The following VWA5A variants were observed in gnomAD, a reference collection of about 807,000 sequenced individuals.
VWA5A encodes von Willebrand factor A domain-containing protein 5A.
A neutral mutation model predicts 84.6 loss-of-function variants in VWA5A; 77 were observed. The observed-to-expected ratio is 0.91, with a 90% CI of 0.76 to 1.10. The LOEUF is 1.10. VWA5A is among the 50% of genes least tolerant of loss of function. The pLI, the probability that VWA5A is intolerant of heterozygous loss-of-function variation, is 0.00. For missense variants in VWA5A, 973 were observed against 963.0 expected (o/e 1.01, Z -0.14); for synonymous variants, 334 against 350.1 (o/e 0.95, Z 0.51).
chr11:124,130,576 G>A (rs761734163), intron 11 of VWA5A, among the ~76,000 whole-genome samples: 28 of 152,146 alleles, frequency 1.8e-4, no homozygotes, highest in Non-Finnish European at 3.5e-4. Context: ...TTGAAAGTGG[G>A]GTGTTAAAGT....
chr11:124,128,126 T>C (rs1240800691), intron 11 of VWA5A, among the ~76,000 whole-genome samples: 2 of 152,230 alleles, frequency 1.3e-5, no homozygotes, highest in Non-Finnish European at 2.9e-5. Flanking sequence ...GGTTTTCTTC[T>C]AGGGTTTTTA....
chr11:124,138,405 A>G (rs1272029470), intron 15 of VWA5A, among the ~76,000 whole-genome samples: 1 of 152,122 alleles, frequency 6.6e-6, no homozygotes, highest in Non-Finnish European at 1.5e-5. Flanking sequence ...CATTCTCACC[A>G]TGGTGTGCAA....
In VWA5A at chr11:124,135,119, G is replaced by A; in HGVS notation, c.1359+85G>A. On this transcript the variant is annotated intron_variant, in intron 12 of 18. Coordinates refer to ENST00000456829, the MANE Select transcript of VWA5A (RefSeq NM_001130142.2). ...GGTGGGGAACACTGTGTAAGGGCAGGGGTAGCAACTTTCCTCCAGGATACC... is the reference window on the plus strand; with the variant it reads ...GGTGGGGAACACTGTGTAAGGGCAGAGGTAGCAACTTTCCTCCAGGATACC... The A allele has an allele frequency of 8.9e-6, 10 of 1,118,476 alleles. No individual in the cohort carries two copies. In the South Asian group the frequency reaches 1.5e-4, roughly 17 times the overall value. 69.3% of individuals were successfully genotyped at this position (1,118,476 alleles called of 1,614,324 possible). A position where few individuals can be genotyped will look rare whatever the true frequency, so the allele number is the denominator to read the frequency against.
At chr11:124,115,653 C>G (rs971924607) in intron 1 of VWA5A, 171 bp downstream of exon 1, 1 of 152,150 alleles carries the variant, frequency 6.6e-6, no homozygotes, top group Non-Finnish European at 1.5e-5. Flanking sequence ...CAGGAAGGTT[C>G]CTGCAAGTTT....
chr11:124,132,381 C>G (rs1018804542), intron 11 of VWA5A, among the ~76,000 whole-genome samples: 4 of 151,926 alleles, frequency 2.6e-5, no homozygotes, highest in Non-Finnish European at 5.9e-5. Context: ...TTTCCTTGCT[C>G]CAAAAGGTTT....
chr11:124,117,627 G>T, intron 3 of VWA5A, 46 bp from the exon 4 acceptor site: 1 of 1,614,076 alleles, frequency 6.2e-7, no homozygotes. Flanking sequence ...CTACAAGGAG[G>T]CAATCTATTG....
Position 124,123,646 on chromosome 11 carries a change from T to C in VWA5A, c.1020-14T>C, listed in dbSNP as rs755236300. On this transcript the variant is annotated splice_polypyrimidine_tract_variant and intron_variant, in intron 9 of 18. Coordinates refer to ENST00000456829, the MANE Select transcript of VWA5A (RefSeq NM_001130142.2). ...AGTAACCCTCATGTAACTGGGTGTG[T>C]TTGTTTTTCTCAGGGAGAGTGTGAA... 1.2e-6 allele frequency: 2 copies of C among 1,614,122 alleles called. No homozygotes were observed. The highest frequency in any genetic ancestry group is 1.7e-6 in the Non-Finnish European group (2 of 1,180,028).
At position 124,146,148 on chromosome 11, in the gene VWA5A, A is replaced by G. The variant is rs1484752012; in HGVS notation, c.*203A>G. 4 of 517,730 alleles carry G rather than the reference A, an allele frequency of 7.7e-6. No homozygotes were observed. The highest frequency in any genetic ancestry group is 1.4e-5 in the Non-Finnish European group (4 of 295,070). The allele number at this position is 517,730 out of a possible 1,614,324, so 32.1% of individuals were successfully genotyped here. On this transcript the variant is annotated 3_prime_UTR_variant, in exon 19 of 19. Coordinates refer to ENST00000456829, the MANE Select transcript of VWA5A (RefSeq NM_001130142.2). ...TTTTCCCAACATATGCCCTCAGAAA[A>G]GTGACAGTGGTCCCAGAACCTATTC...
chr11:124,119,116 T>A (rs1864891180), intron 7 of VWA5A, 27 bp downstream of exon 7: 3 of 1,587,742 alleles, frequency 1.9e-6, no homozygotes, highest in Non-Finnish European at 8.6e-7. Context: ...TTTGTAGTCA[T>A]CCCCTAAGGG....
At chr11:124,122,937 G>A (rs1373883305) in intron 7 of VWA5A, 23 bp from the exon 8 acceptor site, 1 of 1,594,874 alleles carries the variant, frequency 6.3e-7, no homozygotes, top group Admixed American at 1.8e-5. Flanking sequence ...TTGTCTTACA[G>A]TGGCTTTATC....
chr11:124,123,798 C>G lies in VWA5A; in HGVS notation c.1158C>G (p.Pro386=), dbSNP rs746697075. The G allele has an allele frequency of 3.2e-6, 5 of 1,569,720 alleles. No homozygotes were observed. The highest frequency in any genetic ancestry group is 3.9e-5 in the Admixed American group (2 of 51,208). ...IYRGPSIPGH[P]LQLFVFTDGE... ...GGGGACCCTCCATCCCAGGCCACCC[C>G]CTACAGGTAAGAAGTGGAACAGAGC... is the stretch of plus-strand genomic sequence containing the variant. Residue 386 remains proline, a synonymous_variant, in exon 10 of 19, where the codon CCC becomes CCG. Transcript: ENST00000456829.
chr11:124,126,825 A>G (rs1302422349), intron 11 of VWA5A, among the ~76,000 whole-genome samples: 2 of 151,938 alleles, frequency 1.3e-5, no homozygotes, highest in Non-Finnish European at 2.9e-5. Context: ...TCAACCTTTT[A>G]CCACATTTGT....
In VWA5A at chr11:124,147,668, G is replaced by A. The variant is rs890915352; in HGVS notation, c.*1723G>A. On this transcript the variant is annotated 3_prime_UTR_variant, in exon 19 of 19. Transcript: ENST00000456829. ...GTATCATGCATGCACATTGAAGTTT[G>A]AAAAGTAAAGGCTTAATATTTTCAT... 2 of 152,154 alleles carry A rather than the reference G, an allele frequency of 1.3e-5. No individual in the cohort carries two copies. The highest frequency in any genetic ancestry group is 2.9e-5 in the Non-Finnish European group (2 of 68,026). 9.4% of individuals were successfully genotyped at this position (152,154 alleles called of 1,614,324 possible).
chr11:124,140,470 ATT>A (rs113680412), intron 15 of VWA5A, among the ~76,000 whole-genome samples: 8 of 149,952 alleles, frequency 5.3e-5, no homozygotes, highest in Admixed American at 3.3e-4. Flanking sequence ...GAATTTTTAA[ATT>A]TTTTTTTTTG....
chr11:124,117,403 TG>T, intron 2 of VWA5A, 93 bp from the exon 3 acceptor site: 1 of 1,187,648 alleles, frequency 8.4e-7, no homozygotes, highest in Non-Finnish European at 1.3e-6. Flanking sequence ...ACCCTTTGAA[TG>T]TATTCTTATG....
chr11:124,117,678 C>A lies in VWA5A; in HGVS notation c.49C>A (p.Leu17Met). 6.2e-7 allele frequency: 1 copy of A among 1,614,214 alleles called. No individual in the cohort carries two copies. Among genetic ancestry groups the A allele is most frequent in the Admixed American group, 1.7e-5 (1 of 60,030 alleles). ...LLTLHREPVP[L>M]KSISVSVNIY... ...GAACTCTGGTCTATCTCCAGTGCCG[C>A]TGAAGAGTATCTCTGTGAGCGTGAA... The change falls in exon 4 of 19, where the codon CTG becomes ATG. Residue 17 changes from leucine (L) to methionine (M), a missense_variant. Leu to Met is a conservative substitution (Grantham distance 15). Coordinates refer to ENST00000456829, the MANE Select transcript of VWA5A (RefSeq NM_001130142.2).
intron 11 of VWA5A, among the ~76,000 whole-genome samples, chr11:124,132,627 G>GC (rs769172163): frequency 8.4e-4 from 128 of 151,992 alleles, no homozygotes; most frequent in Non-Finnish European, 1.4e-3. Context: ...GGTTATTTGT[G>GC]CCTTTTCTAT....
At position 124,126,803 on chromosome 11, in the gene VWA5A, G is replaced by C. The variant is rs548614756; in HGVS notation, c.1244+2487G>C. ...TGGACACCATATAACCTTCACCCGGGTCTACCAGTTGTCAACCTTTTACCA... is the reference window on the plus strand; with the variant it reads ...TGGACACCATATAACCTTCACCCGGCTCTACCAGTTGTCAACCTTTTACCA... On this transcript the variant is annotated intron_variant, in intron 11 of 18. Transcript: ENST00000456829. 2.0e-5 allele frequency among the ~76,000 whole-genome samples: 3 copies of C among 150,730 alleles called. No homozygotes were observed. The South Asian group carries it at 6.3e-4, about 32-fold the overall frequency.
In VWA5A at chr11:124,146,791, C is replaced by T. The variant is rs888454634; in HGVS notation, c.*846C>T. 2.6e-5 allele frequency: 4 copies of T among 152,534 alleles called. No individual in the cohort carries two copies. The highest frequency in any genetic ancestry group is 1.3e-4 in the Admixed American group (2 of 15,264). 9.4% of individuals were successfully genotyped at this position (152,534 alleles called of 1,614,324 possible). On this transcript the variant is annotated 3_prime_UTR_variant, in exon 19 of 19. Transcript: ENST00000456829. ...TAGGAAGAAAGGAGCTCCCCGTAAT[C>T]GTTCCTGACCCTTGTGTCTCATATA...
Sources: allele counts gnomAD v4.1 joint callset (sites outside exome capture counted in the v4.1 genomes callset), GRCh38; gene constraint gnomAD v4.1.1; transcripts MANE v1.5; gene names NCBI Gene and HGNC (gene_info 2026-07-23, HGNC 2026-07-21).